The following PAPPA variants were observed in gnomAD, a reference collection of about 807,000 sequenced individuals.
PAPPA encodes pappalysin-1.
In PAPPA, 60 loss-of-function variants were observed where a neutral mutation model predicts 164.0. The ratio of observed to expected loss-of-function variants is 0.37; its 90% CI spans 0.30 to 0.45. PAPPA has a LOEUF of 0.45. Ranked by LOEUF, PAPPA falls within the 20% of genes least tolerant of loss-of-function variation. PAPPA has a pLI of 1.00. For synonymous variants in PAPPA, 875 were observed against 814.1 expected, an observed-to-expected ratio of 1.07 and a Z score of -1.27; for missense variants, 1,782 against 2,087.3, an observed-to-expected ratio of 0.85 and a Z score of 2.85.
chr9:116,154,613 C>T lies in PAPPA; in HGVS notation c.415+26C>T, dbSNP rs757074930. The T allele has an allele frequency of 2.3e-6, 3 of 1,303,562 alleles. No individual in the cohort carries two copies. In the South Asian group the frequency reaches 6.4e-5, roughly 28 times the overall value. 80.7% of individuals were successfully genotyped at this position (1,303,562 alleles called of 1,614,324 possible). ...GTAGGTGAGGGCGCCTCGGCGGGCG[C>T]TGCACCGTCCCTGCGGCCCCAGAGG... On this transcript the variant is annotated intron_variant, in intron 1 of 21. Transcript: ENST00000328252. This position sits in a 1 kb window ranked among gnomAD's most constrained non-coding sequence, Gnocchi z 5.2.
At chr9:116,352,963 A>G (rs1846303832) in intron 16 of PAPPA, 47 bp downstream of exon 16, 5 of 1,443,802 alleles carry the variant, frequency 3.5e-6, no homozygotes, top group Non-Finnish European at 2.9e-6. Flanking sequence ...GGAGGACAAG[A>G]GTTAGGTTCA....
intron 2 of PAPPA, among the ~76,000 whole-genome samples, chr9:116,197,248 G>A (rs970645564): frequency 1.3e-5 from 2 of 152,194 alleles, no homozygotes; most frequent in African/African-American, 2.4e-5. Context: ...AGAGTACAGA[G>A]GATGGGCTTA....
chr9:116,340,029 T>C (rs542953444), intron 13 of PAPPA, among the ~76,000 whole-genome samples: 122 of 152,332 alleles, frequency 8.0e-4, no homozygotes, highest in Middle Eastern at 3.4e-3. Context: ...GGACCTCCAC[T>C]TTTGCCCAGG....
rs397077 is a variant in PAPPA, at chr9:116,154,314, G to C, written c.142G>C (p.Ala48Pro). 1 of 896,050 alleles carries C rather than the reference G, an allele frequency of 1.1e-6. No homozygotes were observed. Among genetic ancestry groups the C allele is most frequent in the Non-Finnish European group, 1.3e-6 (1 of 751,996 alleles). 55.5% of individuals were successfully genotyped at this position (896,050 alleles called of 1,614,324 possible). The part of the protein sequence containing the change: ...PRPAAGPATC[A>P]TRAARGRRAS... ...CCCCGCCGCCGGCCCGGCCACCTGC[G>C]CCACCCGGGCGGCCCGCGGCCGCCG... is the stretch of plus-strand genomic sequence containing the variant. The change falls in exon 1 of 22, where the codon GCC becomes CCC. Residue 48 changes from alanine to proline, a missense_variant. By Grantham distance (27) the Ala-to-Pro change is conservative. This residue lies in a region of PAPPA where 458 missense variants were observed against 430.3 expected (regional missense o/e 1.06). Transcript: ENST00000328252. This position sits in a 1 kb window ranked among gnomAD's most constrained non-coding sequence, Gnocchi z 5.2.
intron 10 of PAPPA, among the ~76,000 whole-genome samples, chr9:116,324,038 A>G (rs1479978928): frequency 6.6e-6 from 1 of 152,194 alleles, no homozygotes; most frequent in Non-Finnish European, 1.5e-5. Flanking sequence ...CTTCTATTTC[A>G]GGAGCCCCAG....
At position 116,187,925 on chromosome 9, in the gene PAPPA, A is replaced by G. The variant is rs1843995419; in HGVS notation, c.1187A>G (p.Asp396Gly). ...FKQYNISWEL[D>G]VLEVSNSSLR... ...CAATACAACATCTCCTGGGAGCTGG[A>G]CGTGCTGGAGGTGAGCAACTCCTCC... The change falls in exon 2 of 22, where the codon GAC becomes GGC. Residue 396 changes from aspartate to glycine, a missense_variant. Asp to Gly is a moderately conservative substitution (Grantham distance 94, BLOSUM62 -1). This residue lies in a region of PAPPA where 1,324 missense variants were observed against 1,656.9 expected (regional missense o/e 0.80). Transcript: ENST00000328252. This position sits in a 1 kb window ranked among gnomAD's most constrained non-coding sequence, Gnocchi z 4.2. The G allele has an allele frequency of 6.2e-7, 1 of 1,614,142 alleles. No homozygotes were observed. The highest frequency in any genetic ancestry group is 2.2e-5 in the East Asian group (1 of 44,882).
At chr9:116,167,806 G>T (rs1321449384) in intron 1 of PAPPA, among the ~76,000 whole-genome samples, 1 of 152,140 alleles carries the variant, frequency 6.6e-6, no homozygotes, top group Non-Finnish European at 1.5e-5. Flanking sequence ...GATTTAATCT[G>T]CTAAAAACAA....
At chr9:116,238,633 T>C (rs188030775) in intron 7 of PAPPA, among the ~76,000 whole-genome samples, 39 of 152,262 alleles carry the variant, frequency 2.6e-4, no homozygotes, top group African/African-American at 8.2e-4. Context: ...TTATGCACAA[T>C]TTGTTCTTTC....
rs1191511458 is a variant in PAPPA at position 116,153,880 on chromosome 9, TA to T, written c.-289del. ...AGAAATCATATAAAATAAAATGAAATAAAACAAGGAGGAAGGCAACCAGCTG... is the reference window on the plus strand; with the variant it reads ...AGAAATCATATAAAATAAAATGAAATAAACAAGGAGGAAGGCAACCAGCTG... On this transcript the variant is annotated 5_prime_UTR_variant, in exon 1 of 22. Transcript: ENST00000328252. 5.7e-6 allele frequency: 1 copy of T among 176,426 alleles called. No homozygotes were observed. The highest frequency in any genetic ancestry group is 2.4e-5 in the African/African-American group (1 of 41,250). 10.9% of individuals were successfully genotyped at this position (176,426 alleles called of 1,614,324 possible).
chr9:116,367,459 T>C (rs1163346370), intron 18 of PAPPA, among the ~76,000 whole-genome samples, 186 bp from the exon 19 acceptor site: 1 of 152,094 alleles, frequency 6.6e-6, no homozygotes, highest in Admixed American at 6.5e-5. Flanking sequence ...ATGGGAGGCA[T>C]GTGAATGGAG....
chr9:116,289,230 A>G (rs1423216588), intron 9 of PAPPA, among the ~76,000 whole-genome samples: 6 of 77,872 alleles, frequency 7.7e-5, no homozygotes, highest in East Asian at 4.1e-4. Flanking sequence ...GCATATATAT[A>G]TAGCATATAT....
In PAPPA at chr9:116,172,767, T is replaced by G. The variant is rs956945019; in HGVS notation, c.416-14387T>G. On this transcript the variant is annotated intron_variant, in intron 1 of 21. Transcript: ENST00000328252. ...ATACTAACCTGTCTGGTTACTGATC[T>G]GCTTGTTTCTATGCCTTTTTTGTTT... Among the ~76,000 whole-genome samples the G allele has an allele frequency of 2.0e-5, 3 of 152,222 alleles. No individual in the cohort carries two copies. The East Asian group carries it at 5.8e-4, about 29-fold the overall frequency.
intron 10 of PAPPA, among the ~76,000 whole-genome samples, chr9:116,327,262 A>G (rs1845932545): frequency 6.6e-6 from 1 of 152,176 alleles, no homozygotes; most frequent in Admixed American, 6.5e-5. Context: ...ACTTCCTGAC[A>G]TCTCTAGGGC....
intron 5 of PAPPA, among the ~76,000 whole-genome samples, chr9:116,223,074 G>A (rs978006763): frequency 2.6e-5 from 4 of 152,150 alleles, no homozygotes; most frequent in African/African-American, 9.7e-5. Context: ...CAGTACCTGA[G>A]TCTAGAACCT....
chr9:116,340,968 G>A (rs7862256), intron 13 of PAPPA, among the ~76,000 whole-genome samples: 115,093 of 151,988 alleles, frequency 0.76, 44,795 homozygotes, highest in East Asian at 0.99. Context: ...CATAGTTCCA[G>A]AAGCATTTCT....
chr9:116,196,495 C>G (rs910386333), intron 2 of PAPPA, among the ~76,000 whole-genome samples: 1 of 152,330 alleles, frequency 6.6e-6, no homozygotes, highest in Admixed American at 6.5e-5. Context: ...GTTGAACTGA[C>G]AGACAGCAGC....
At chr9:116,274,542 G>C (rs1845174614) in intron 9 of PAPPA, among the ~76,000 whole-genome samples, 2 of 152,210 alleles carry the variant, frequency 1.3e-5, no homozygotes, top group South Asian at 2.1e-4. Flanking sequence ...CATTTGTTAA[G>C]ACAGTGGTCA....
At chr9:116,376,034 T>TA (rs1846646020) in intron 19 of PAPPA, among the ~76,000 whole-genome samples, 1 of 151,440 alleles carries the variant, frequency 6.6e-6, no homozygotes, top group Non-Finnish European at 1.5e-5. Flanking sequence ...TTTTTTTTTT[T>TA]TTTTTGAGAC....
At chr9:116,165,248 T>C (rs1843708033) in intron 1 of PAPPA, among the ~76,000 whole-genome samples, 1 of 152,218 alleles carries the variant, frequency 6.6e-6, no homozygotes, top group East Asian at 1.9e-4. Flanking sequence ...CCCATCTGTC[T>C]ACTAATGGTA....
Sources: allele counts gnomAD v4.1 joint callset (sites outside exome capture counted in the v4.1 genomes callset), GRCh38; gene constraint gnomAD v4.1.1; regional missense constraint gnomAD v4.1.1; non-coding constraint Gnocchi (gnomAD v3.1); transcripts MANE v1.5; gene names NCBI Gene and HGNC (gene_info 2026-07-23, HGNC 2026-07-21).